Variants in FSD1L observed in about 807,000 individuals in gnomAD.
FSD1L encodes the protein fibronectin type III and SPRY domain containing 1 like, also known as FSD1-like protein.
FSD1L carries 45 observed loss-of-function variants against 71.6 expected under a neutral mutation model. The observed-to-expected ratio is 0.63, with a 90% CI of 0.49 to 0.81. The LOEUF (loss-of-function observed/expected upper bound fraction) is 0.81. Ranked by LOEUF, FSD1L falls within the 30% of genes least tolerant of loss-of-function variation. The pLI, the probability that FSD1L is intolerant of heterozygous loss-of-function variation, is 0.00. For synonymous variants in FSD1L, 197 were observed against 207.2 expected (o/e 0.95, Z 0.42); for missense variants, 561 against 618.1 (o/e 0.91, Z 0.98).
At chr9:105,516,405 C>G (rs1834726798) in intron 10 of FSD1L, among the ~76,000 whole-genome samples, 1 of 152,144 alleles carries the variant, frequency 6.6e-6, no homozygotes, top group Non-Finnish European at 1.5e-5. Context: ...GGAGACACCT[C>G]CCAGTAGGTG....
intron 5 of FSD1L, among the ~76,000 whole-genome samples, chr9:105,474,788 G>C (rs554455257): frequency 6.6e-6 from 1 of 152,300 alleles, no homozygotes; most frequent in Non-Finnish European, 1.5e-5. Context: ...AATATTTCAA[G>C]TTCTAATATT....
intron 11 of FSD1L, 110 bp from the exon 12 acceptor site, chr9:105,534,957 A>C: frequency 4.6e-5 from 43 of 938,366 alleles, no homozygotes; most frequent in Non-Finnish European, 6.4e-5. Flanking sequence ...TCTTATAGGA[A>C]AAGTACTTGA....
At chr9:105,485,705 A>T (rs138181853) in intron 7 of FSD1L, among the ~76,000 whole-genome samples, 1 of 150,560 alleles carries the variant, frequency 6.6e-6, no homozygotes, top group African/African-American at 2.4e-5. Flanking sequence ...CTGCAGTGGC[A>T]CGATCTCGGC....
chr9:105,455,250 A>G (rs748650015), intron 1 of FSD1L, among the ~76,000 whole-genome samples: 88 of 152,208 alleles, frequency 5.8e-4, no homozygotes, highest in Non-Finnish European at 1.1e-3. Flanking sequence ...TTTTCTGTAT[A>G]TAAGGCAGTT....
At chr9:105,445,315 C>G (rs1290622178), upstream of FSD1L, among the ~76,000 whole-genome samples, 1 of 152,086 alleles carries the variant, frequency 6.6e-6, no homozygotes, top group East Asian at 1.9e-4. Flanking sequence ...GGGCAGAAGC[C>G]AAATGGGGTA....
Position 105,551,522 on chromosome 9 carries a change from T to A in FSD1L, c.*5039T>A, listed in dbSNP as rs1454018010. The A allele has an allele frequency of 6.6e-6, 1 of 152,126 alleles. No homozygotes were observed. Among genetic ancestry groups the A allele is most frequent in the Admixed American group, 6.6e-5 (1 of 15,264 alleles). The allele number at this position is 152,126 out of a possible 1,614,324, so 9.4% of individuals were successfully genotyped here. ...AGCAAAGTGCTACGTAAATGTAAAG[T>A]GTTGTTTTTAGCTAATAATGGATTT... On this transcript the variant is annotated 3_prime_UTR_variant, in exon 14 of 14. Transcript: ENST00000481272.
intron 10 of FSD1L, chr9:105,521,761 C>G (rs552759081): frequency 1.2e-6 from 2 of 1,613,040 alleles, no homozygotes; most frequent in Admixed American, 3.3e-5. Flanking sequence ...AAAAACGGCT[C>G]CTACCAAGGT....
intron 10 of FSD1L, chr9:105,524,558 G>C: frequency 1.2e-6 from 2 of 1,613,964 alleles, no homozygotes. Flanking sequence ...TTTTACATGG[G>C]TGTGTTTATG....
chr9:105,507,449 C>G (rs1332969280), intron 8 of FSD1L, among the ~76,000 whole-genome samples: 1 of 152,192 alleles, frequency 6.6e-6, no homozygotes. Context: ...TAGTACATCT[C>G]ATTTAATCAG....
chr9:105,462,832 TA>T (rs1554698892), intron 2 of FSD1L, among the ~76,000 whole-genome samples: 1 of 618 alleles, frequency 1.6e-3, no homozygotes, highest in Non-Finnish European at 2.3e-3. Context: ...TACAATACTT[TA>T]TATGAACATT....
At chr9:105,490,347 GAGTT>G (rs1832842745) in intron 7 of FSD1L, among the ~76,000 whole-genome samples, 2 of 152,016 alleles carry the variant, frequency 1.3e-5, no homozygotes, top group African/African-American at 2.4e-5. Flanking sequence ...CTTTTTGATG[GAGTT>G]GTTTGTTTTT....
Position 105,546,510 on chromosome 9 carries a change from C to T in FSD1L, c.*27C>T, listed in dbSNP as rs557531644. On this transcript the variant is annotated 3_prime_UTR_variant, in exon 14 of 14. Coordinates refer to ENST00000481272, the MANE Select transcript of FSD1L (RefSeq NM_001145313.3). The stretch of plus-strand genomic sequence containing the variant: ...GTCTACTCAGAATACGTTTACCCTC[C>T]GTCTTGATTAGGTGGCCTTTTCTGT... 2.1e-5 allele frequency: 32 copies of T among 1,500,814 alleles called. No individual in the cohort carries two copies. The highest frequency in any genetic ancestry group is 3.5e-4 in the Middle Eastern group (2 of 5,746). 93.0% of individuals were successfully genotyped at this position (1,500,814 alleles called of 1,614,324 possible).
intron 7 of FSD1L, among the ~76,000 whole-genome samples, chr9:105,499,183 T>C (rs561889678): frequency 1.1e-4 from 17 of 152,182 alleles, no homozygotes; most frequent in Non-Finnish European, 2.4e-4. Context: ...AGTTCAACCA[T>C]GTACTTAGTG....
chr9:105,461,380 A>G (rs925492024), intron 1 of FSD1L, 140 bp from the exon 2 acceptor site: 5 of 431,802 alleles, frequency 1.2e-5, no homozygotes, highest in African/African-American at 1.0e-4. Flanking sequence ...AAACTCATTA[A>G]TTGTTAAATA....
At chr9:105,534,652 G>GA in intron 11 of FSD1L, 59 bp downstream of exon 11, 1 of 975,878 alleles carries the variant, frequency 1.0e-6, no homozygotes, top group Non-Finnish European at 1.5e-6. Context: ...CAATCACACT[G>GA]GTGGACTTTC....
chr9:105,469,764 T>C (rs1831328295), intron 4 of FSD1L, among the ~76,000 whole-genome samples: 1 of 151,942 alleles, frequency 6.6e-6, no homozygotes, highest in African/African-American at 2.4e-5. Context: ...TTCTATTTGA[T>C]ATAGAGAAGT....
At chr9:105,526,246 T>TA in intron 10 of FSD1L, 12 of 1,600,718 alleles carry the variant, frequency 7.5e-6, no homozygotes, top group Non-Finnish European at 1.0e-5. Flanking sequence ...GAGAGCACGA[T>TA]ACCTGCAAAC....
chr9:105,545,727 T>G (rs142290921), intron 13 of FSD1L, among the ~76,000 whole-genome samples: 29 of 152,306 alleles, frequency 1.9e-4, no homozygotes, highest in Middle Eastern at 3.4e-3. Context: ...GGATTACGTT[T>G]ATTGGTTTGC....
rs1437200568 is a variant in FSD1L at position 105,522,085 on chromosome 9, C to A, written c.1025+9149C>A. ...CAGTTCCAAGGGAAAAAAAATATGA[C>A]CTTGGCAGGTCGACTTGCAGGACCA... On this transcript the variant is annotated intron_variant, in intron 10 of 13. Coordinates refer to ENST00000481272, the MANE Select transcript of FSD1L (RefSeq NM_001145313.3). 6 of 1,613,238 alleles carry A rather than the reference C, an allele frequency of 3.7e-6. No homozygotes were observed. The South Asian group carries it at 5.5e-5, about 15-fold the overall frequency.
Sources: allele counts gnomAD v4.1 joint callset (sites outside exome capture counted in the v4.1 genomes callset), GRCh38; gene constraint gnomAD v4.1.1; transcripts MANE v1.5; gene names NCBI Gene and HGNC (gene_info 2026-07-23, HGNC 2026-07-21).